IGF2R: variants seen among roughly 807,000 people sequenced by gnomAD.
IGF2R encodes insulin like growth factor 2 receptor, also known as cation-independent mannose-6-phosphate receptor.
A neutral mutation model predicts 270.6 loss-of-function variants in IGF2R; 91 were observed. The ratio of observed to expected loss-of-function variants is 0.34; its 90% CI spans 0.28 to 0.40. IGF2R has a LOEUF of 0.40. IGF2R is among the 10% of genes least tolerant of loss of function. The pLI is 1.00. For missense variants in IGF2R, 2,805 were observed against 3,188.3 expected (o/e 0.88, Z 2.90); for synonymous variants, 1,316 against 1,258.9 (o/e 1.05, Z -0.96).
chr6:160,044,485 C>T, intron 12 of IGF2R, 29 bp from the exon 13 acceptor site: 1 of 1,548,992 alleles, frequency 6.5e-7, no homozygotes, highest in Non-Finnish European at 8.8e-7. Flanking sequence ...TTAACCACAT[C>T]TTCTGTTTTC....
chr6:160,104,442 A>G (rs1251930308), intron 47 of IGF2R, among the ~76,000 whole-genome samples: 2 of 151,614 alleles, frequency 1.3e-5, no homozygotes, highest in Non-Finnish European at 2.9e-5. Flanking sequence ...AAATGACCCC[A>G]CTGCCACCCT....
At position 160,004,999 on chromosome 6, in the gene IGF2R, C is replaced by G. The variant is rs1215953416; in HGVS notation, c.290-4011C>G. The G allele has an allele frequency of 6.6e-6, 1 of 152,176 alleles. No individual in the cohort carries two copies. Among genetic ancestry groups the G allele is most frequent in the Non-Finnish European group, 1.5e-5 (1 of 68,054 alleles). 9.4% of individuals were successfully genotyped at this position (152,176 alleles called of 1,614,324 possible). A position where few individuals can be genotyped will look rare whatever the true frequency, so the allele number is the denominator to read the frequency against. ...GATTGGATCTTGCAATTAGATGACA[C>G]CAGGGCTCTATCTGATTGGATCCTG... On this transcript the variant is annotated intron_variant, in intron 2 of 47. Coordinates refer to ENST00000356956, the MANE Select transcript of IGF2R (RefSeq NM_000876.4). This position sits in a 1 kb window ranked among gnomAD's most constrained non-coding sequence, Gnocchi z 5.2.
intron 10 of IGF2R, among the ~76,000 whole-genome samples, chr6:160,035,733 G>A (rs1777805267): frequency 6.6e-6 from 1 of 152,234 alleles, no homozygotes; most frequent in African/African-American, 2.4e-5. Flanking sequence ...CTCTCTAGGT[G>A]TTCACAGACT....
intron 27 of IGF2R, 129 bp from the exon 28 acceptor site, chr6:160,064,272 T>G: frequency 9.7e-7 from 1 of 1,026,278 alleles, no homozygotes; most frequent in Non-Finnish European, 1.5e-6. Context: ...GAGTGCATGG[T>G]ATGGTGCTGG....
At chr6:160,039,648 A>G (rs1011957919) in intron 10 of IGF2R, among the ~76,000 whole-genome samples, 2 of 152,220 alleles carry the variant, frequency 1.3e-5, no homozygotes, top group Admixed American at 6.5e-5. Flanking sequence ...TATGATACCA[A>G]ACCTCAAGAA....
rs3777413 is a variant in IGF2R, at chr6:160,041,840, G to A, written c.1480+1116G>A. 6.1e-3 allele frequency among the ~76,000 whole-genome samples: 927 copies of A among 152,310 alleles called. 29 individuals are homozygous for A. The East Asian group carries it at 0.094, about 15-fold the overall frequency. On this transcript the variant is annotated intron_variant, in intron 11 of 47. Coordinates refer to ENST00000356956, the MANE Select transcript of IGF2R (RefSeq NM_000876.4). ...CACATGTGTGCTAGTGAAGACATTG[G>A]TTTTCTGTGAAGTGGAAAGAGTTCT...
In IGF2R at chr6:160,033,097, C is replaced by G; in HGVS notation, c.1201C>G (p.Gln401Glu). The G allele has an allele frequency of 6.2e-7, 1 of 1,612,234 alleles. No homozygotes were observed. Among genetic ancestry groups the G allele is most frequent in the Non-Finnish European group, 8.5e-7 (1 of 1,178,538 alleles). ...CAAAGCAGCAGGAAGATACCACAATCAGACCCTCCGGTACGTCAACAACCT... is the reference window on the plus strand; with the variant it reads ...CAAAGCAGCAGGAAGATACCACAATGAGACCCTCCGGTACGTCAACAACCT... ...QVKAAGRYHN[Q>E]TLRYSDGDLT... Residue 401 changes from glutamine to glutamate, a missense_variant, in exon 9 of 48, where the codon CAG (glutamine) becomes GAG (glutamate). Gln to Glu is a conservative substitution (Grantham distance 29, BLOSUM62 2). Around this residue, in one of 2 missense-constraint regions of IGF2R, gnomAD observed 954 missense variants for 981.1 expected, o/e 0.97. Transcript: ENST00000356956.
At chr6:160,045,232 A>T (rs1056644725) in intron 13 of IGF2R, among the ~76,000 whole-genome samples, 5 of 152,320 alleles carry the variant, frequency 3.3e-5, no homozygotes, top group African/African-American at 1.2e-4. Flanking sequence ...TTGTTGGATT[A>T]ATAGCGCGTT....
chr6:160,015,399 G>A (rs918287012), intron 4 of IGF2R, among the ~76,000 whole-genome samples: 1 of 152,156 alleles, frequency 6.6e-6, no homozygotes, highest in African/African-American at 2.4e-5. Flanking sequence ...GGTGACCAGG[G>A]CCTTTTTTAC....
intron 29 of IGF2R, among the ~76,000 whole-genome samples, 187 bp downstream of exon 29, chr6:160,065,088 G>C (rs2115265868): frequency 6.6e-6 from 1 of 152,356 alleles, no homozygotes; most frequent in South Asian, 2.1e-4. Flanking sequence ...TGGAGCTGCT[G>C]TGGTGACTGC....
intron 45 of IGF2R, among the ~76,000 whole-genome samples, chr6:160,101,480 A>T (rs1277990777): frequency 2.0e-5 from 3 of 152,112 alleles, no homozygotes; most frequent in Non-Finnish European, 4.4e-5. Flanking sequence ...TGTCTTGCTG[A>T]TGTTTTAGAT....
rs919493084 is a variant in IGF2R, at chr6:160,090,857, A to G, written c.6655+754A>G. 8.2e-4 allele frequency among the ~76,000 whole-genome samples: 111 copies of G among 135,736 alleles called. No individual in the cohort carries two copies. The Middle Eastern group carries it at 0.014, about 17-fold the overall frequency. 89.0% of individuals were successfully genotyped at this position (135,736 alleles called of 152,430 possible). On this transcript the variant is annotated intron_variant, in intron 44 of 47. Coordinates refer to ENST00000356956, the MANE Select transcript of IGF2R (RefSeq NM_000876.4). Reference sequence around the variant, plus strand: ...GGTGCTCTGTGCCCTGGTGCTGAGCACATTGCCGAGAAGGAGCAGGTGCTC... The same window carrying G: ...GGTGCTCTGTGCCCTGGTGCTGAGCGCATTGCCGAGAAGGAGCAGGTGCTC...
chr6:160,040,944 C>G (rs577374163), intron 11 of IGF2R, among the ~76,000 whole-genome samples: 3 of 152,194 alleles, frequency 2.0e-5, no homozygotes, highest in Non-Finnish European at 2.9e-5. Flanking sequence ...TGTGTTTTCA[C>G]CCTTTTACAC....
At chr6:159,989,641 A>T (rs755544958) in intron 1 of IGF2R, among the ~76,000 whole-genome samples, 18 of 152,268 alleles carry the variant, frequency 1.2e-4, no homozygotes, top group Non-Finnish European at 2.2e-4. Context: ...TATGTTGCCC[A>T]GGCTGGCCTG....
At position 160,062,587 on chromosome 6, in the gene IGF2R, C is replaced by G. The variant is rs757672047; in HGVS notation, c.3638C>G (p.Thr1213Ser). The change falls in exon 26 of 48, where the codon ACT (threonine) becomes AGT (serine). Residue 1213 changes from threonine (T) to serine (S), a missense_variant. By Grantham distance (58) the Thr-to-Ser change is moderately conservative. Coordinates refer to ENST00000356956, the MANE Select transcript of IGF2R (RefSeq NM_000876.4). Reference protein sequence around the residue: ...DGCEYVFIWRTVEACPVVRVE... With the variant: ...DGCEYVFIWRSVEACPVVRVE... ...TGTGAGTACGTGTTTATCTGGAGAA[C>G]TGTGGAAGCCTGTCCCGTTGTCAGA... is the stretch of plus-strand genomic sequence containing the variant. The G allele has an allele frequency of 2.2e-5, 36 of 1,613,760 alleles. No individual in the cohort carries two copies. Among genetic ancestry groups the G allele is most frequent in the Non-Finnish European group, 3.0e-5 (35 of 1,179,780 alleles).
Position 160,047,225 on chromosome 6 carries a change from A to C in IGF2R, c.2118A>C (p.Gln706His), listed in dbSNP as rs745584305. Residue 706 changes from glutamine to histidine, a missense_variant, in exon 16 of 48, where the codon CAA becomes CAC. This residue lies in a region of IGF2R where 954 missense variants were observed against 981.1 expected (regional missense o/e 0.97). Transcript: ENST00000356956. Reference sequence around the variant, plus strand: ...TTTCATATTATGATGGGATGATCCAACTGAACTACAGAGGCGGCACACCCT... The same window carrying C: ...TTTCATATTATGATGGGATGATCCACCTGAACTACAGAGGCGGCACACCCT... ...AKLSYYDGMI[Q>H]LNYRGGTPYN... 1 of 1,614,090 alleles carries C rather than the reference A, an allele frequency of 6.2e-7. No individual in the cohort carries two copies. Among genetic ancestry groups the C allele is most frequent in the Admixed American group, 1.7e-5 (1 of 60,026 alleles).
intron 26 of IGF2R, 75 bp downstream of exon 26, chr6:160,062,694 T>A: frequency 3.0e-6 from 3 of 1,003,900 alleles, no homozygotes; most frequent in Non-Finnish European, 4.6e-6. Flanking sequence ...GCCTTAGATA[T>A]GAGACCGTGT....
intron 1 of IGF2R, among the ~76,000 whole-genome samples, chr6:159,984,217 A>T (rs955789557): frequency 2.0e-5 from 3 of 152,254 alleles, no homozygotes; most frequent in Non-Finnish European, 2.9e-5. Context: ...GACGGACTGC[A>T]TAAACTACAG....
At chr6:160,045,566 C>G (rs1002544792) in intron 13 of IGF2R, among the ~76,000 whole-genome samples, 179 bp from the exon 14 acceptor site, 1 of 152,160 alleles carries the variant, frequency 6.6e-6, no homozygotes. Context: ...TTTGACTGTT[C>G]TAGATACCTC....
Sources: allele counts gnomAD v4.1 joint callset (sites outside exome capture counted in the v4.1 genomes callset), GRCh38; gene constraint gnomAD v4.1.1; regional missense constraint gnomAD v4.1.1; non-coding constraint Gnocchi (gnomAD v3.1); transcripts MANE v1.5; gene names NCBI Gene and HGNC (gene_info 2026-07-23, HGNC 2026-07-21).